GABRR3: variants seen among roughly 807,000 people sequenced by gnomAD.
The protein encoded by GABRR3 is gamma-aminobutyric acid receptor subunit rho-3.
A neutral mutation model predicts 43.2 loss-of-function variants in GABRR3; 29 were observed. The ratio of observed to expected loss-of-function variants is 0.67; its 90% CI spans 0.50 to 0.92. GABRR3 has a LOEUF of 0.92. GABRR3 is among the 40% of genes least tolerant of loss of function. The pLI is 0.00. For synonymous variants in GABRR3, 206 were observed against 195.9 expected (o/e 1.05, Z -0.43); for missense variants, 576 against 572.3 (o/e 1.01, Z -0.07).
chr3:98,024,552 AT>A (rs1706988599), intron 3 of GABRR3, among the ~76,000 whole-genome samples: 1 of 152,154 alleles, frequency 6.6e-6, no homozygotes, highest in South Asian at 2.1e-4. Context: ...TCCCTTGGTC[AT>A]AACCACATCA....
rs537401983 is a variant in GABRR3 at position 97,988,658 on chromosome 3, G to A, written c.1105-1676C>T. 1.6e-4 allele frequency among the ~76,000 whole-genome samples: 24 copies of A among 150,188 alleles called. No homozygotes were observed. The South Asian group carries it at 5.2e-3, about 32-fold the overall frequency. On this transcript the variant is annotated intron_variant, in intron 9 of 9. Transcript: ENST00000621172. ...TGGTGGTGGGTGATAGATGGTGGGT[G>A]GTGTTGGGTGGTGGTGGTTATGGTG...
intron 4 of GABRR3, among the ~76,000 whole-genome samples, chr3:98,016,152 C>A (rs1189389299): frequency 1.3e-5 from 2 of 152,130 alleles, no homozygotes; most frequent in African/African-American, 2.4e-5. Flanking sequence ...TCACCTCCCA[C>A]AAGGTCCCTC....
At chr3:97,990,154 C>T (rs1706444006) in intron 9 of GABRR3, among the ~76,000 whole-genome samples, 2 of 152,180 alleles carry the variant, frequency 1.3e-5, no homozygotes, top group African/African-American at 4.8e-5. Flanking sequence ...ACAATAAGAA[C>T]TTCCATTTGT....
At position 98,001,779 on chromosome 3, in the gene GABRR3, A is replaced by T. The variant is rs143019522; in HGVS notation, c.755-12T>A. The T allele has an allele frequency of 1.1e-4, 178 of 1,612,584 alleles. No homozygotes were observed. In the African/African-American group the frequency reaches 2.0e-3, roughly 18 times the overall value. ...CCTATTGTACCAACCTGTGGAAAAAAGCCAAAGTTTTCATTAGAGCAAGCT... is the reference window on the plus strand; with the variant it reads ...CCTATTGTACCAACCTGTGGAAAAATGCCAAAGTTTTCATTAGAGCAAGCT... On this transcript the variant is annotated splice_polypyrimidine_tract_variant and intron_variant, in intron 7 of 9. Coordinates refer to ENST00000621172, the Ensembl canonical transcript of GABRR3.
chr3:98,016,529 A>G (rs1045387115), intron 4 of GABRR3, among the ~76,000 whole-genome samples: 4 of 152,164 alleles, frequency 2.6e-5, no homozygotes, highest in Non-Finnish European at 5.9e-5. Flanking sequence ...TCTTTTCTTT[A>G]TAAACTGCCC....
In GABRR3 at chr3:98,012,338, C is replaced by T; in HGVS notation, c.530+6G>A. 6.2e-7 allele frequency: 1 copy of T among 1,611,418 alleles called. No homozygotes were observed. The highest frequency in any genetic ancestry group is 8.5e-7 in the Non-Finnish European group (1 of 1,177,954). ...GAAGCCAAAGGCGATAGGCAGCTTT[C>T]CTTACCTGAGACTTAGGAGGACGTT... On this transcript the variant is annotated splice_donor_region_variant and intron_variant, in intron 5 of 9. Coordinates refer to ENST00000621172, the Ensembl canonical transcript of GABRR3.
In GABRR3 at chr3:97,993,042, G is replaced by T. The variant is rs775984213; in HGVS notation, c.914C>A (p.Thr305Asn). The change falls in exon 9 of 10, where the codon ACC (threonine) becomes AAC (asparagine). Residue 305 changes from threonine to asparagine, a missense_variant. Coordinates refer to ENST00000621172, the Ensembl canonical transcript of GABRR3. The stretch of plus-strand genomic sequence containing the variant: ...GATTGTGGACATGGTCAGCACTGTG[G>T]TGATTCCTGCCATTTGAGAATAGTG... 1.8e-5 allele frequency: 29 copies of T among 1,594,302 alleles called. No homozygotes were observed. The African/African-American group carries it at 3.5e-4, about 19-fold the overall frequency.
intron 9 of GABRR3, among the ~76,000 whole-genome samples, chr3:97,990,191 T>C (rs1706444433): frequency 1.3e-5 from 2 of 152,236 alleles, no homozygotes; most frequent in Non-Finnish European, 2.9e-5. Flanking sequence ...GCAAAGTTTT[T>C]ACGCCCTTTT....
intron 7 of GABRR3, among the ~76,000 whole-genome samples, chr3:98,005,016 G>C (rs937965053): frequency 2.6e-5 from 4 of 151,866 alleles, no homozygotes; most frequent in Non-Finnish European, 5.9e-5. Context: ...ACCTAACTAA[G>C]GGATGGTTAA....
intron 8 of GABRR3, 49 bp from the exon 9 acceptor site, chr3:97,993,097 C>T (rs1706492452): frequency 6.9e-7 from 1 of 1,439,846 alleles, no homozygotes; most frequent in Non-Finnish European, 9.4e-7. Flanking sequence ...CATTCATTTC[C>T]AGGATCTGGT....
chr3:97,995,254 G>A (rs970126342), intron 8 of GABRR3, among the ~76,000 whole-genome samples: 1 of 152,126 alleles, frequency 6.6e-6, no homozygotes, highest in African/African-American at 2.4e-5. Context: ...TGGGATTACA[G>A]GCATGAGCCA....
downstream of GABRR3, among the ~76,000 whole-genome samples, chr3:97,985,866 T>A (rs2107221661): frequency 6.6e-6 from 1 of 150,782 alleles, no homozygotes; most frequent in East Asian, 1.9e-4. Context: ...TATATTTTTT[T>A]TTATTTTATT....
At chr3:98,001,114 A>G (rs1176431325) in intron 8 of GABRR3, 1 of 152,740 alleles carries the variant, frequency 6.5e-6, no homozygotes, top group Non-Finnish European at 1.5e-5. Flanking sequence ...GTTAAGTCCT[A>G]ATTTCTAATC....
intron 5 of GABRR3, among the ~76,000 whole-genome samples, chr3:98,009,931 G>A (rs41527949): frequency 0.05 from 7,587 of 152,258 alleles, 239 homozygotes; most frequent in Non-Finnish European, 0.078. Flanking sequence ...AGGTGTTTCA[G>A]TTCATTTCCT....
chr3:97,997,955 C>G (rs1706584798), intron 8 of GABRR3: 1 of 152,032 alleles, frequency 6.6e-6, no homozygotes, highest in Non-Finnish European at 1.5e-5. Flanking sequence ...TGCAAAAATG[C>G]ATAATACAAA....
At chr3:98,004,352 T>C (rs1301877818) in intron 7 of GABRR3, among the ~76,000 whole-genome samples, 1 of 152,084 alleles carries the variant, frequency 6.6e-6, no homozygotes, top group African/African-American at 2.4e-5. Context: ...ATGAAACCCA[T>C]TTAAAGATGA....
chr3:97,994,498 C>T (rs1332945674), intron 8 of GABRR3, among the ~76,000 whole-genome samples: 1 of 152,162 alleles, frequency 6.6e-6, no homozygotes, highest in East Asian at 1.9e-4. Context: ...AGGTTTCCCC[C>T]AACAATGGTA....
At chr3:98,024,038 C>T (rs1706981938) in intron 3 of GABRR3, among the ~76,000 whole-genome samples, 1 of 152,170 alleles carries the variant, frequency 6.6e-6, no homozygotes, top group South Asian at 2.1e-4. Context: ...AAGTCTGAGT[C>T]ACAAATGTGA....
At chr3:97,985,399 T>G (rs1706371016), downstream of GABRR3, among the ~76,000 whole-genome samples, 1 of 152,360 alleles carries the variant, frequency 6.6e-6, no homozygotes, top group South Asian at 2.1e-4. Context: ...CAATACAATA[T>G]CTGGAAGCAT....
Sources: gnomAD v4.1 joint callset for allele counts (sites outside exome capture counted in the v4.1 genomes callset) on GRCh38, gnomAD v4.1.1 for gene constraint, MANE v1.5 for transcripts, NCBI Gene and HGNC (gene_info 2026-07-23, HGNC 2026-07-21) for gene names.